The following PRKAG2 variants were observed in gnomAD, a reference collection of about 807,000 sequenced individuals.
The protein encoded by PRKAG2 is 5'-AMP-activated protein kinase subunit gamma-2.
PRKAG2 carries 26 observed loss-of-function variants against 69.6 expected under a neutral mutation model. The ratio of observed to expected loss-of-function variants is 0.37; its 90% confidence interval spans 0.27 to 0.52. The LOEUF is 0.52. Ranked by LOEUF, PRKAG2 falls within the 20% of genes least tolerant of loss-of-function variation. The pLI, the probability that PRKAG2 is intolerant of heterozygous loss-of-function variation, is 0.90. For missense variants in PRKAG2, 557 were observed against 740.0 expected (o/e 0.75, Z 2.87); for synonymous variants, 293 against 285.0 (o/e 1.03, Z -0.28).
chr7:151,736,439 G>A, intron 3 of PRKAG2: 2 of 948,136 alleles, frequency 2.1e-6, no homozygotes, highest in Non-Finnish European at 2.5e-6. Flanking sequence ...AGACCAGATA[G>A]GCAAAGGAGG....
intron 3 of PRKAG2, among the ~76,000 whole-genome samples, chr7:151,767,742 T>A (rs147590371): frequency 7.9e-4 from 120 of 152,384 alleles, no homozygotes; most frequent in African/African-American, 2.8e-3. Flanking sequence ...TGTTAAATCC[T>A]GTGGCAAGTC....
intron 4 of PRKAG2, among the ~76,000 whole-genome samples, chr7:151,636,229 G>A (rs1340553889): frequency 6.6e-6 from 1 of 152,008 alleles, no homozygotes; most frequent in Non-Finnish European, 1.5e-5. Context: ...AGTGATTTTT[G>A]GAATATTCAG....
intron 3 of PRKAG2, among the ~76,000 whole-genome samples, chr7:151,750,744 A>T (rs959548095): frequency 1.3e-5 from 2 of 152,082 alleles, no homozygotes; most frequent in Non-Finnish European, 2.9e-5. Context: ...GGCCAGGCAC[A>T]GTGGTATGTT....
At position 151,757,854 on chromosome 7, in the gene PRKAG2, A is replaced by G. The variant is rs1186941674; in HGVS notation, c.466+23298T>C. On this transcript the variant is annotated intron_variant, in intron 3 of 15. Transcript: ENST00000287878. Reference sequence around the variant, plus strand: ...GAAAATAAAGTACCTAGTCAGGGTCAATATTGCTTCGTAAAAGGGCTTTTG... The same window carrying G: ...GAAAATAAAGTACCTAGTCAGGGTCGATATTGCTTCGTAAAAGGGCTTTTG... 2.0e-5 allele frequency among the ~76,000 whole-genome samples: 3 copies of G among 152,364 alleles called. No individual in the cohort carries two copies. The East Asian group carries it at 5.8e-4, about 29-fold the overall frequency.
intron 1 of PRKAG2, among the ~76,000 whole-genome samples, chr7:151,801,572 A>G (rs2077840925): frequency 6.6e-6 from 1 of 152,258 alleles, no homozygotes; most frequent in East Asian, 1.9e-4. Context: ...TACGTGGTGC[A>G]GAAAAGCTTG....
At chr7:151,735,859 A>G in intron 3 of PRKAG2, 1 of 1,535,944 alleles carries the variant, frequency 6.5e-7, no homozygotes, top group Non-Finnish European at 8.7e-7. Flanking sequence ...TTCCCTCCCA[A>G]GGACAGACCA....
At chr7:151,744,981 G>T (rs968103478) in intron 3 of PRKAG2, among the ~76,000 whole-genome samples, 1 of 152,202 alleles carries the variant, frequency 6.6e-6, no homozygotes, top group Admixed American at 6.5e-5. Context: ...AAACCCAGAA[G>T]TTCAGAGGTG....
chr7:151,874,659 C>A (rs966095270), intron 1 of PRKAG2, among the ~76,000 whole-genome samples: 20 of 152,058 alleles, frequency 1.3e-4, no homozygotes, highest in Admixed American at 2.0e-4. Context: ...TCAAGGTGGG[C>A]GGGTCACTCG....
intron 11 of PRKAG2, among the ~76,000 whole-genome samples, chr7:151,568,158 C>T (rs1025067655): frequency 8.5e-5 from 13 of 152,164 alleles, no homozygotes; most frequent in Non-Finnish European, 1.5e-4. Flanking sequence ...TGGATGACTA[C>T]GGAGCCAGGT....
chr7:151,860,014 G>A (rs1393817017), intron 1 of PRKAG2, among the ~76,000 whole-genome samples: 14 of 152,144 alleles, frequency 9.2e-5, no homozygotes, highest in Admixed American at 9.2e-4. Context: ...GGGACTGTGG[G>A]CTGGGCTGAC....
At chr7:151,838,306 C>T (rs187431194) in intron 1 of PRKAG2, among the ~76,000 whole-genome samples, 14 of 152,168 alleles carry the variant, frequency 9.2e-5, no homozygotes, top group East Asian at 3.9e-4. Context: ...TGGACACCCT[C>T]GACCCTGCCA....
chr7:151,855,274 C>A (rs1230225383), intron 1 of PRKAG2, among the ~76,000 whole-genome samples: 8 of 93,242 alleles, frequency 8.6e-5, no homozygotes, highest in Non-Finnish European at 1.1e-4. Flanking sequence ...ACACCACCCT[C>A]CACACACACC....
intron 3 of PRKAG2, among the ~76,000 whole-genome samples, chr7:151,758,150 T>C (rs1269689826): frequency 6.6e-6 from 1 of 152,196 alleles, no homozygotes; most frequent in Non-Finnish European, 1.5e-5. Context: ...TCTTTTTTTT[T>C]TTTCTAGTAG....
intron 3 of PRKAG2, among the ~76,000 whole-genome samples, chr7:151,690,977 C>A (rs1835571873): frequency 6.6e-6 from 1 of 152,176 alleles, no homozygotes; most frequent in Non-Finnish European, 1.5e-5. Context: ...ACATAGTGCT[C>A]AACAAGTAGA....
intron 3 of PRKAG2, among the ~76,000 whole-genome samples, chr7:151,728,700 G>A (rs938397110): frequency 3.9e-5 from 6 of 152,132 alleles, no homozygotes; most frequent in African/African-American, 1.4e-4. Flanking sequence ...TTCTCTGCTG[G>A]GAACCCGGGC....
At chr7:151,558,553 G>A (rs900278214) in intron 15 of PRKAG2, 1 of 921,014 alleles carries the variant, frequency 1.1e-6, no homozygotes, top group African/African-American at 1.8e-5. Context: ...TTGGCCTCAC[G>A]GTGGGGGCCT....
intron 1 of PRKAG2, among the ~76,000 whole-genome samples, chr7:151,846,997 C>CTAA (rs2079447183): frequency 6.6e-6 from 1 of 152,222 alleles, no homozygotes; most frequent in South Asian, 2.1e-4. Flanking sequence ...AAGGCTGTTA[C>CTAA]TAATGTAAGT....
At chr7:151,847,470 G>A (rs965434621) in intron 1 of PRKAG2, among the ~76,000 whole-genome samples, 3 of 152,008 alleles carry the variant, frequency 2.0e-5, no homozygotes, top group African/African-American at 4.8e-5. Flanking sequence ...TCTTGTCCCC[G>A]AGCCTCTCTC....
chr7:151,741,245 T>C (rs1563568405), intron 3 of PRKAG2, among the ~76,000 whole-genome samples: 1 of 151,796 alleles, frequency 6.6e-6, no homozygotes, highest in Non-Finnish European at 1.5e-5. Flanking sequence ...AAAATAAAAG[T>C]AACAAAGCAA....
Sources: allele counts gnomAD v4.1 joint callset (sites outside exome capture counted in the v4.1 genomes callset), GRCh38; gene constraint gnomAD v4.1.1; transcripts MANE v1.5; gene names NCBI Gene and HGNC (gene_info 2026-07-23, HGNC 2026-07-21).